ZNF280D: variants seen among roughly 807,000 people sequenced by gnomAD.
ZNF280D encodes suppressor of hairy wing homolog 4.
Under a neutral mutation model 94.7 loss-of-function variants are expected in ZNF280D, and 39 were observed. The ratio of observed to expected loss-of-function variants is 0.41; its 90% CI spans 0.32 to 0.54. The LOEUF (loss-of-function observed/expected upper bound fraction) is 0.54. Ranked by LOEUF, ZNF280D falls within the 20% of genes least tolerant of loss-of-function variation. The probability of loss-of-function intolerance (pLI) is 0.22; values close to 1 mark genes in which losing one functional copy is unlikely to be tolerated. For missense variants in ZNF280D, 1,090 were observed against 1,149.3 expected (o/e 0.95, Z 0.75); for synonymous variants, 398 against 377.6 (o/e 1.05, Z -0.63).
At chr15:56,686,594 T>C (rs1230163530) in intron 9 of ZNF280D, among the ~76,000 whole-genome samples, 1 of 152,166 alleles carries the variant, frequency 6.6e-6, no homozygotes, top group Non-Finnish European at 1.5e-5. Context: ...GTGGACTAAA[T>C]GGAAGTGAAG....
chr15:56,635,766 A>T (rs1232690932), intron 20 of ZNF280D: 1 of 152,232 alleles, frequency 6.6e-6, no homozygotes, highest in East Asian at 1.9e-4. Flanking sequence ...ACTTATTTCA[A>T]ATGTTTTACA....
At chr15:56,642,221 CTT>C (rs1292010918) in intron 20 of ZNF280D, among the ~76,000 whole-genome samples, 3 of 151,726 alleles carry the variant, frequency 2.0e-5, no homozygotes, top group Non-Finnish European at 3.0e-5. Context: ...AGTTGAAAAA[CTT>C]TTAAACAAAA....
intron 6 of ZNF280D, among the ~76,000 whole-genome samples, chr15:56,694,564 C>A (rs545722553): frequency 2.0e-5 from 3 of 152,188 alleles, no homozygotes; most frequent in African/African-American, 7.2e-5. Flanking sequence ...ATACGAAATA[C>A]CTTTTTTCCA....
chr15:56,685,952 A>G (rs2055977614), intron 9 of ZNF280D, among the ~76,000 whole-genome samples: 1 of 152,234 alleles, frequency 6.6e-6, no homozygotes, highest in East Asian at 1.9e-4. Flanking sequence ...AGCAAAAGGC[A>G]CACCTAAAAC....
At chr15:56,662,202 G>A (rs551252449) in intron 16 of ZNF280D, among the ~76,000 whole-genome samples, 2 of 151,026 alleles carry the variant, frequency 1.3e-5, no homozygotes, top group East Asian at 1.9e-4. Context: ...CAATTTATGT[G>A]CATTTTTTTC....
At chr15:56,724,617 C>T (rs770821188) in intron 1 of ZNF280D, among the ~76,000 whole-genome samples, 1 of 152,158 alleles carries the variant, frequency 6.6e-6, no homozygotes, top group Non-Finnish European at 1.5e-5. Context: ...ATAAAATGAA[C>T]TTTTTCTAAG....
At chr15:56,715,238 T>C (rs565010230) in intron 1 of ZNF280D, among the ~76,000 whole-genome samples, 3 of 152,152 alleles carry the variant, frequency 2.0e-5, no homozygotes, top group Non-Finnish European at 4.4e-5. Flanking sequence ...GGAAGAAACA[T>C]ATGCATTAAT....
intron 16 of ZNF280D, among the ~76,000 whole-genome samples, chr15:56,662,546 C>G (rs1437735436): frequency 6.6e-6 from 1 of 152,018 alleles, no homozygotes; most frequent in African/African-American, 2.4e-5. Context: ...CAAAATAGGG[C>G]CAGGCACGGT....
intron 1 of ZNF280D, among the ~76,000 whole-genome samples, chr15:56,726,350 ACTTT>A (rs1288415203): frequency 1.3e-5 from 2 of 152,160 alleles, no homozygotes; most frequent in African/African-American, 4.8e-5. Context: ...CTAGTTTTTT[ACTTT>A]CTTTCTTGAG....
intron 21 of ZNF280D, among the ~76,000 whole-genome samples, chr15:56,633,200 C>T (rs2052176249): frequency 6.6e-6 from 1 of 152,104 alleles, no homozygotes; most frequent in South Asian, 2.1e-4. Context: ...CACAAATATC[C>T]TAGCAACATT....
At chr15:56,653,848 T>A (rs2053359496) in intron 19 of ZNF280D, 2 of 1,231,296 alleles carry the variant, frequency 1.6e-6, no homozygotes, top group South Asian at 3.0e-5. Context: ...GAAAAAAAAA[T>A]ATGTTAAGAT....
rs1241458540 is a variant in ZNF280D at position 56,689,421 on chromosome 15, T to C, written c.549A>G (p.Val183=). 2 of 1,591,130 alleles carry C rather than the reference T, an allele frequency of 1.3e-6. No individual in the cohort carries two copies. The highest frequency in any genetic ancestry group is 2.7e-5 in the African/African-American group (2 of 74,366). Residue 183 remains valine (V), a synonymous_variant, in exon 8 of 22, where the codon GTA becomes GTG. Transcript: ENST00000267807. ...FLSKRPSTSE[V]NNVNPKKPKP... is the part of the protein sequence containing the mutation. The stretch of plus-strand genomic sequence containing the variant: ...TAGGCTTCTTTGGATTAACATTATT[T>C]ACTTCAGAAGTAGAAGGACGTTTTG...
At chr15:56,712,738 G>A (rs1374907176) in intron 1 of ZNF280D, among the ~76,000 whole-genome samples, 1 of 127,678 alleles carries the variant, frequency 7.8e-6, no homozygotes, top group East Asian at 2.5e-4. Context: ...CATGGTGAAT[G>A]GCTTTTTTTT....
intron 1 of ZNF280D, among the ~76,000 whole-genome samples, chr15:56,720,624 T>C (rs2058305776): frequency 6.6e-6 from 1 of 152,190 alleles, no homozygotes; most frequent in Non-Finnish European, 1.5e-5. Flanking sequence ...GTTACACCCT[T>C]ACAAAATGTT....
intron 1 of ZNF280D, among the ~76,000 whole-genome samples, chr15:56,715,392 G>C (rs1427551163): frequency 6.6e-6 from 1 of 152,198 alleles, no homozygotes; most frequent in East Asian, 1.9e-4. Context: ...CCACTCACTA[G>C]AGTTTGGTGT....
chr15:56,733,489 C>G lies in ZNF280D; in HGVS notation c.-117G>C. ...CGGAGCGGATCGGCCTGACTGGAGC[C>G]CTGAGGAGGAGGAGAAAGAGGAGGA... On this transcript the variant is annotated 5_prime_UTR_variant, in exon 1 of 22. Transcript: ENST00000267807. 1 of 1,137,370 alleles carries G rather than the reference C, an allele frequency of 8.8e-7. No individual in the cohort carries two copies. Among genetic ancestry groups the G allele is most frequent in the Non-Finnish European group, 1.1e-6 (1 of 916,208 alleles). 70.5% of individuals were successfully genotyped at this position (1,137,370 alleles called of 1,614,324 possible).
chr15:56,684,585 G>C (rs1191363672), intron 9 of ZNF280D, among the ~76,000 whole-genome samples: 1 of 150,970 alleles, frequency 6.6e-6, no homozygotes, highest in Non-Finnish European at 1.5e-5. Flanking sequence ...GAATACAGTG[G>C]TGAGTAGACA....
chr15:56,652,841 G>A, intron 19 of ZNF280D: 2 of 983,830 alleles, frequency 2.0e-6, no homozygotes, highest in Non-Finnish European at 2.4e-6. Context: ...CTTAGTAACA[G>A]CCAAATTTAA....
At chr15:56,707,394 T>C in intron 1 of ZNF280D, 88 bp from the exon 2 acceptor site, 1 of 1,153,084 alleles carries the variant, frequency 8.7e-7, no homozygotes, top group East Asian at 3.4e-5. Context: ...CAGAGGTCAA[T>C]TATGTTTGAT....
Sources: gnomAD v4.1 joint callset for allele counts (sites outside exome capture counted in the v4.1 genomes callset) on GRCh38, gnomAD v4.1.1 for gene constraint, MANE v1.5 for transcripts, NCBI Gene and HGNC (gene_info 2026-07-23, HGNC 2026-07-21) for gene names.